The following SLC30A9 variants were observed in gnomAD, a reference collection of about 807,000 sequenced individuals.
The protein encoded by SLC30A9 is proton-coupled zinc antiporter SLC30A9, mitochondrial.
In SLC30A9, 58 loss-of-function variants were observed where a neutral mutation model predicts 87.5. That is an observed-to-expected ratio of 0.66 (90% CI 0.54 to 0.82). The LOEUF (loss-of-function observed/expected upper bound fraction) is 0.82. Ranked by LOEUF, SLC30A9 falls within the 40% of genes least tolerant of loss-of-function variation. The pLI, the probability that SLC30A9 is intolerant of heterozygous loss-of-function variation, is 0.00. For synonymous variants in SLC30A9, 234 were observed against 233.0 expected (o/e 1.00, Z -0.04); for missense variants, 557 against 679.1 (o/e 0.82, Z 2.00).
At chr4:42,020,816 G>T (rs1715916128) in intron 4 of SLC30A9, 1 of 224,224 alleles carries the variant, frequency 4.5e-6, no homozygotes, top group Non-Finnish European at 8.6e-6. Flanking sequence ...TCATTGGTAT[G>T]TGACAGAATT....
At chr4:42,063,233 CTG>C in intron 11 of SLC30A9, 112 bp downstream of exon 11, 20 of 912,684 alleles carry the variant, frequency 2.2e-5, no homozygotes, top group Non-Finnish European at 3.2e-5. Context: ...ACCTTCTTGA[CTG>C]TGTATTGTAG....
intron 2 of SLC30A9, among the ~76,000 whole-genome samples, chr4:42,015,480 T>TC (rs1229152027): frequency 8.5e-5 from 13 of 152,200 alleles, no homozygotes; most frequent in African/African-American, 3.1e-4. Flanking sequence ...TTAGTGGTGT[T>TC]CCATATCATT....
At chr4:42,033,184 T>C (rs1716520908) in intron 6 of SLC30A9, among the ~76,000 whole-genome samples, 1 of 152,164 alleles carries the variant, frequency 6.6e-6, no homozygotes, top group Non-Finnish European at 1.5e-5. Context: ...TTGTTTTTAT[T>C]TTATAATTGC....
intron 6 of SLC30A9, among the ~76,000 whole-genome samples, chr4:42,031,934 G>A (rs753552381): frequency 6.6e-5 from 10 of 152,232 alleles, no homozygotes; most frequent in Non-Finnish European, 1.3e-4. Context: ...CCTGAGACTG[G>A]GTGATTTATA....
chr4:42,002,387 A>G (rs1213124514), intron 2 of SLC30A9, among the ~76,000 whole-genome samples: 2 of 151,946 alleles, frequency 1.3e-5, no homozygotes, highest in East Asian at 1.9e-4. Flanking sequence ...GATAGTCAGC[A>G]TAGTACCAAA....
intron 7 of SLC30A9, among the ~76,000 whole-genome samples, chr4:42,038,349 A>T (rs1198040107): frequency 6.6e-6 from 1 of 152,006 alleles, no homozygotes; most frequent in African/African-American, 2.4e-5. Context: ...TGCCCCTCCC[A>T]TGAGTTCCCA....
chr4:42,041,434 CAT>C (rs955537240), intron 8 of SLC30A9, among the ~76,000 whole-genome samples: 6 of 152,092 alleles, frequency 3.9e-5, no homozygotes, highest in African/African-American at 1.2e-4. Context: ...TACAGGCACA[CAT>C]GTTTTAAGGA....
At chr4:42,062,960 G>A (rs371426371) in intron 10 of SLC30A9, 26 bp from the exon 11 acceptor site, 66 of 1,598,218 alleles carry the variant, frequency 4.1e-5, no homozygotes, top group Non-Finnish European at 5.6e-5. Context: ...TATTTCTTGC[G>A]AACTATATTC....
rs557000499 is a variant in SLC30A9, at chr4:42,028,149, C to T, written c.610+4765C>T. On this transcript the variant is annotated intron_variant, in intron 6 of 17. Coordinates refer to ENST00000264451, the MANE Select transcript of SLC30A9 (RefSeq NM_006345.4). Reference sequence around the variant, plus strand: ...TTATTTTATTTTTGAGACGGAGTCTCACTCTGTCACCAGGCTGGAGTGCAG... The same window carrying T: ...TTATTTTATTTTTGAGACGGAGTCTTACTCTGTCACCAGGCTGGAGTGCAG... 6.6e-5 allele frequency among the ~76,000 whole-genome samples: 10 copies of T among 152,296 alleles called. No individual in the cohort carries two copies. The East Asian group carries it at 1.2e-3, about 18-fold the overall frequency.
chr4:42,004,011 T>G (rs1577679257), intron 2 of SLC30A9, among the ~76,000 whole-genome samples: 1 of 152,336 alleles, frequency 6.6e-6, no homozygotes, highest in East Asian at 1.9e-4. Flanking sequence ...TGTTGCTTGC[T>G]TAGATTTATT....
At chr4:42,004,261 A>C (rs1715105012) in intron 2 of SLC30A9, among the ~76,000 whole-genome samples, 1 of 152,314 alleles carries the variant, frequency 6.6e-6, no homozygotes, top group East Asian at 1.9e-4. Context: ...TTTCTTTGGT[A>C]TAAATGGCAG....
At chr4:42,015,307 A>T (rs1229093224) in intron 2 of SLC30A9, among the ~76,000 whole-genome samples, 1 of 152,182 alleles carries the variant, frequency 6.6e-6, no homozygotes, top group Non-Finnish European at 1.5e-5. Flanking sequence ...TCCAAATAGC[A>T]ATTGGGGGAT....
intron 10 of SLC30A9, 87 bp downstream of exon 10, chr4:42,060,333 G>A: frequency 5.1e-6 from 5 of 988,984 alleles, no homozygotes; most frequent in Non-Finnish European, 8.0e-6. Context: ...TGCAATTTAT[G>A]TACCTGCAGT....
chr4:42,042,047 A>G (rs1716943487), intron 8 of SLC30A9, among the ~76,000 whole-genome samples: 1 of 152,150 alleles, frequency 6.6e-6, no homozygotes, highest in African/African-American at 2.4e-5. Flanking sequence ...CGCTTTTCCC[A>G]TGGTCTTCAC....
rs1392744830 is a variant in SLC30A9 at position 42,021,932 on chromosome 4, T to TGTAGAGACGGGG, written c.435-906_435-905insGTAGAGACGGGG. 1.3e-3 allele frequency among the ~76,000 whole-genome samples: 66 copies of TGTAGAGACGGGG among 50,180 alleles called. 4 individuals are homozygous for TGTAGAGACGGGG. The highest frequency in any genetic ancestry group is 5.0e-3 in the South Asian group (4 of 804). The allele number at this position is 50,180 out of a possible 152,430, so 32.9% of individuals were successfully genotyped here. On this transcript the variant is annotated intron_variant, in intron 4 of 17. Coordinates refer to ENST00000264451, the MANE Select transcript of SLC30A9 (RefSeq NM_006345.4). ...CGCCTGGCTAATTTTTTTTTTTTTT[T>TGTAGAGACGGGG]TTTTTTTTTTTTTTGAGACGGAGTC...
intron 6 of SLC30A9, among the ~76,000 whole-genome samples, chr4:42,033,577 G>A (rs751094806): frequency 5.3e-5 from 8 of 152,098 alleles, no homozygotes; most frequent in Non-Finnish European, 8.8e-5. Flanking sequence ...CATACTTTCT[G>A]GTCTTGCTTT....
In SLC30A9 at chr4:42,087,145, C is replaced by G. The variant is rs1196033985; in HGVS notation, c.*1019C>G. 1 of 152,060 alleles carries G rather than the reference C, an allele frequency of 6.6e-6. No homozygotes were observed. The highest frequency in any genetic ancestry group is 2.4e-5 in the African/African-American group (1 of 41,404). The allele number at this position is 152,060 out of a possible 1,614,324, so 9.4% of individuals were successfully genotyped here. ...TTGTATAATATAGTTCATACTGTGT[C>G]TGTGAGTTTCTTCAGTTACAAATGG... On this transcript the variant is annotated 3_prime_UTR_variant, in exon 18 of 18. Coordinates refer to ENST00000264451, the MANE Select transcript of SLC30A9 (RefSeq NM_006345.4).
intron 2 of SLC30A9, among the ~76,000 whole-genome samples, chr4:42,005,686 A>C (rs1715172434): frequency 6.6e-6 from 1 of 152,184 alleles, no homozygotes; most frequent in Admixed American, 6.5e-5. Context: ...TGTTCTGTAG[A>C]GATTCTGCTT....
At chr4:42,005,054 A>G (rs2660326) in intron 2 of SLC30A9, among the ~76,000 whole-genome samples, 98,572 of 152,052 alleles carry the variant, frequency 0.65, 36,077 homozygotes, top group East Asian at 0.96. Context: ...GATACGTTAA[A>G]CATAGCTATT....
Sources: gnomAD v4.1 joint callset for allele counts (sites outside exome capture counted in the v4.1 genomes callset) on GRCh38, gnomAD v4.1.1 for gene constraint, MANE v1.5 for transcripts, NCBI Gene and HGNC (gene_info 2026-07-23, HGNC 2026-07-21) for gene names.